Variants in USO1 observed in about 807,000 individuals in gnomAD.
USO1 encodes the protein general vesicular transport factor p115.
Under a neutral mutation model 124.5 loss-of-function variants are expected in USO1, and 57 were observed. That is an observed-to-expected ratio of 0.46 (90% CI 0.37 to 0.57). USO1 has a LOEUF of 0.57. Ranked by LOEUF, USO1 falls within the 20% of genes least tolerant of loss-of-function variation. USO1 has a pLI of 0.00. For synonymous variants in USO1, 369 were observed against 362.8 expected (o/e 1.02, Z -0.19); for missense variants, 900 against 1,040.6 (o/e 0.86, Z 1.86).
chr4:75,752,225 A>G (rs1721313552), intron 1 of USO1, 148 bp from the exon 2 acceptor site: 1 of 391,840 alleles, frequency 2.6e-6, no homozygotes, highest in African/African-American at 2.1e-5. Context: ...TTATAATACT[A>G]CCTAAATGCA....
chr4:75,724,671 G>A lies in USO1; in HGVS notation c.-149G>A, dbSNP rs1235718671. On this transcript the variant is annotated 5_prime_UTR_variant, in exon 1 of 24. Coordinates refer to ENST00000514213, the MANE Select transcript of USO1 (RefSeq NM_003715.4). ...CTGGCGGCTGTTTCCGGGCTTAGAGGGCTGGAGTGGCCGCCGAGTTGGAGG... is the reference window on the plus strand; with the variant it reads ...CTGGCGGCTGTTTCCGGGCTTAGAGAGCTGGAGTGGCCGCCGAGTTGGAGG... 2 of 726,816 alleles carry A rather than the reference G, an allele frequency of 2.8e-6. No homozygotes were observed. The highest frequency in any genetic ancestry group is 1.8e-5 in the South Asian group (1 of 54,918). The allele number at this position is 726,816 out of a possible 1,614,324, so 45.0% of individuals were successfully genotyped here.
intron 8 of USO1, among the ~76,000 whole-genome samples, chr4:75,776,965 A>G (rs1413132101): frequency 1.3e-5 from 2 of 152,206 alleles, no homozygotes; most frequent in South Asian, 2.1e-4. Flanking sequence ...ACTACCTTGA[A>G]TATGGGTATG....
chr4:75,780,476 G>A (rs1722188340), intron 8 of USO1, among the ~76,000 whole-genome samples: 1 of 151,226 alleles, frequency 6.6e-6, no homozygotes, highest in Admixed American at 6.6e-5. Context: ...GCTTCACTAT[G>A]TTGGCCAGGC....
intron 13 of USO1, among the ~76,000 whole-genome samples, chr4:75,796,626 C>A (rs1722688943): frequency 6.6e-6 from 1 of 152,088 alleles, no homozygotes; most frequent in Non-Finnish European, 1.5e-5. Context: ...GTGTGAGACA[C>A]CGCGCCCAGC....
At chr4:75,765,632 C>G (rs1721748803) in intron 4 of USO1, among the ~76,000 whole-genome samples, 1 of 92,820 alleles carries the variant, frequency 1.1e-5, no homozygotes. Flanking sequence ...TGCCTGGTAC[C>G]AGTTCTTTTT....
intron 19 of USO1, among the ~76,000 whole-genome samples, chr4:75,805,514 C>G (rs1722972537): frequency 6.6e-6 from 1 of 152,040 alleles, no homozygotes; most frequent in Non-Finnish European, 1.5e-5. Flanking sequence ...CAAGACTAGC[C>G]TGGCCAATAT....
chr4:75,811,151 C>CT, intron 22 of USO1, among the ~76,000 whole-genome samples: 1 of 151,166 alleles, frequency 6.6e-6, no homozygotes, highest in African/African-American at 2.4e-5. Flanking sequence ...TTCTTTCTTT[C>CT]TTTTTCTTTT....
At chr4:75,772,765 T>C (rs925089002) in intron 7 of USO1, among the ~76,000 whole-genome samples, 9 of 152,134 alleles carry the variant, frequency 5.9e-5, no homozygotes, top group Admixed American at 2.6e-4. Context: ...CATTACCACT[T>C]ATTTTCATTT....
chr4:75,760,548 C>G (rs1721576705), intron 4 of USO1: 1 of 396,610 alleles, frequency 2.5e-6, no homozygotes, highest in African/African-American at 2.1e-5. Flanking sequence ...AAACTATTGT[C>G]TTTATCATCC....
At chr4:75,750,549 T>C (rs1277518489) in intron 1 of USO1, among the ~76,000 whole-genome samples, 2 of 152,280 alleles carry the variant, frequency 1.3e-5, no homozygotes, top group South Asian at 2.1e-4. Flanking sequence ...AGTGGTGCGA[T>C]CTTAGCTCGC....
chr4:75,760,195 G>C (rs1198753304), intron 4 of USO1, among the ~76,000 whole-genome samples: 1 of 152,166 alleles, frequency 6.6e-6, no homozygotes, highest in Non-Finnish European at 1.5e-5. Flanking sequence ...CTGGGCGACA[G>C]AGGGAGACTC....
intron 1 of USO1, among the ~76,000 whole-genome samples, chr4:75,727,373 C>T (rs917964749): frequency 6.6e-6 from 1 of 152,240 alleles, no homozygotes; most frequent in African/African-American, 2.4e-5. Context: ...CTTTCTTGTT[C>T]TTGCCTAACT....
At chr4:75,770,634 AG>A (rs1327573340) in intron 5 of USO1, 95 bp downstream of exon 5, 2 of 1,473,678 alleles carry the variant, frequency 1.4e-6, no homozygotes, top group Non-Finnish European at 9.0e-7. Flanking sequence ...ATACCTTTAA[AG>A]GTAGTAAAGT....
Position 75,757,535 on chromosome 4 carries a change from TATATA to T in USO1, c.267_271del (p.Ile90Ter). On this transcript the variant is annotated frameshift_variant, in exon 4 of 24. Coordinates refer to ENST00000514213, the MANE Select transcript of USO1 (RefSeq NM_003715.4). LOFTEE classifies it high-confidence loss of function. ...ATAATAGGTTATGCTTTGGACACACTATATAATATAATATCTAATGAAGAAGAAGA... is the reference window on the plus strand; with the variant it reads ...ATAATAGGTTATGCTTTGGACACACTATATAATATCTAATGAAGAAGAAGA... The T allele has an allele frequency of 6.7e-7, 1 of 1,502,786 alleles. No individual in the cohort carries two copies. Among genetic ancestry groups the T allele is most frequent in the Non-Finnish European group, 8.9e-7 (1 of 1,124,984 alleles). 93.1% of individuals were successfully genotyped at this position (1,502,786 alleles called of 1,614,324 possible).
chr4:75,775,349 G>T (rs1042632976), intron 8 of USO1, among the ~76,000 whole-genome samples: 1 of 152,118 alleles, frequency 6.6e-6, no homozygotes, highest in African/African-American at 2.4e-5. Flanking sequence ...GACCAGTCGG[G>T]CCAACATGGC....
intron 1 of USO1, among the ~76,000 whole-genome samples, chr4:75,725,625 A>C (rs1720407573): frequency 6.6e-6 from 1 of 151,858 alleles, no homozygotes. Context: ...TTTAAAAAAA[A>C]AAAAAAATGG....
Position 75,782,775 on chromosome 4 carries a change from C to T in USO1, c.772C>T (p.Arg258Cys), listed in dbSNP as rs1484373144. The change falls in exon 9 of 24, where the codon CGT becomes TGT. Residue 258 changes from arginine (R) to cysteine (C), a missense_variant. Physicochemically the swap from Arg to Cys is radical, Grantham distance 180. Transcript: ENST00000514213. ...NFFKEGSYIQRMKPWFEVGDE... is the reference protein window; with the variant it reads ...NFFKEGSYIQCMKPWFEVGDE... ...TTTTAAAGAAGGCTCATATATTCAA[C>T]GTATGAAACCTTGGTTTGAAGTTGG... 7 of 1,598,212 alleles carry T rather than the reference C, an allele frequency of 4.4e-6. No homozygotes were observed. The highest frequency in any genetic ancestry group is 6.0e-6 in the Non-Finnish European group (7 of 1,174,936).
intron 1 of USO1, among the ~76,000 whole-genome samples, chr4:75,737,226 T>A (rs1720817834): frequency 6.6e-6 from 1 of 152,230 alleles, no homozygotes; most frequent in South Asian, 2.1e-4. Flanking sequence ...CTCTAAAATA[T>A]AAATAGTAAT....
intron 1 of USO1, among the ~76,000 whole-genome samples, chr4:75,745,766 G>T (rs1340959633): frequency 2.1e-5 from 3 of 146,126 alleles, no homozygotes; most frequent in Non-Finnish European, 4.4e-5. Flanking sequence ...CGGACGTAGT[G>T]GCACATGTTT....
Sources: allele counts gnomAD v4.1 joint callset (sites outside exome capture counted in the v4.1 genomes callset), GRCh38; gene constraint gnomAD v4.1.1; transcripts MANE v1.5; gene names NCBI Gene and HGNC (gene_info 2026-07-23, HGNC 2026-07-21).